RINT1: variants seen among roughly 807,000 people sequenced by gnomAD.
The protein encoded by RINT1 is RAD50-interacting protein 1.
Under a neutral mutation model 97.7 loss-of-function variants are expected in RINT1, and 75 were observed. That is an observed-to-expected ratio of 0.77 (90% confidence interval 0.64 to 0.93). RINT1 has a LOEUF of 0.93. RINT1 is among the 40% of genes least tolerant of loss of function. RINT1 has a pLI of 0.00. For synonymous variants in RINT1, 303 were observed against 326.3 expected (o/e 0.93, Z 0.77); for missense variants, 892 against 925.2 (o/e 0.96, Z 0.47).
Position 105,563,930 on chromosome 7 carries a change from A to G in RINT1, c.1869A>G (p.Lys623=), listed in dbSNP as rs1437091444. The change falls in exon 12 of 15, where the codon AAA becomes AAG. Residue 623 remains lysine, a synonymous_variant. Coordinates refer to ENST00000257700, the MANE Select transcript of RINT1 (RefSeq NM_021930.6). ...HVFREVKDAA[K]LYKKERWLSL... is the part of the protein sequence containing the mutation. ...TTAGAGAAGTTAAAGATGCTGCAAA[A>G]TTGTATAAAAAAGAAAGGTATGTCC... The G allele has an allele frequency of 6.2e-7, 1 of 1,613,862 alleles. No homozygotes were observed. Among genetic ancestry groups the G allele is most frequent in the Admixed American group, 1.7e-5 (1 of 60,014 alleles).
intron 1 of RINT1, among the ~76,000 whole-genome samples, chr7:105,532,564 T>G (rs1048318031): frequency 3.3e-5 from 5 of 152,224 alleles, no homozygotes; most frequent in South Asian, 2.1e-4. Context: ...AGATGACAGA[T>G]TTCTCTAGGG....
At chr7:105,532,794 A>G (rs761037061) in intron 1 of RINT1, 30 bp from the exon 2 acceptor site, 21 of 1,612,950 alleles carry the variant, frequency 1.3e-5, no homozygotes, top group Non-Finnish European at 8.5e-7. Context: ...TTTAATCTTA[A>G]TGTGCTTGTC....
At chr7:105,552,649 C>T (rs1464846013) in intron 10 of RINT1, among the ~76,000 whole-genome samples, 2 of 149,316 alleles carry the variant, frequency 1.3e-5, no homozygotes, top group East Asian at 2.0e-4. Context: ...CATTCCAGCC[C>T]AGTCAGTAAA....
At chr7:105,558,509 G>A (rs962105776) in intron 11 of RINT1, among the ~76,000 whole-genome samples, 2 of 152,088 alleles carry the variant, frequency 1.3e-5, no homozygotes, top group African/African-American at 4.8e-5. Context: ...ATCATCAACT[G>A]CTTTACTTGG....
At chr7:105,550,521 T>C (rs1482056015) in intron 9 of RINT1, 35 bp downstream of exon 9, 14 of 1,417,388 alleles carry the variant, frequency 9.9e-6, no homozygotes, top group Non-Finnish European at 1.4e-5. Flanking sequence ...TAGGGAGATA[T>C]GTCTGTTTCT....
At position 105,532,210 on chromosome 7, in the gene RINT1, A is replaced by C; in HGVS notation, c.-106A>C. ...TCGAGAGGAAGTCGCTGTGGCACTC[A>C]GTCCTACGGCCTCCGAGGCTGGGTA... On this transcript the variant is annotated 5_prime_UTR_variant, in exon 1 of 15. Transcript: ENST00000257700. The C allele has an allele frequency of 8.0e-7, 1 of 1,256,932 alleles. No homozygotes were observed. Among genetic ancestry groups the C allele is most frequent in the South Asian group, 1.4e-5 (1 of 72,386 alleles). 77.9% of individuals were successfully genotyped at this position (1,256,932 alleles called of 1,614,324 possible). A position where few individuals can be genotyped will look rare whatever the true frequency, so the allele number is the denominator to read the frequency against.
Position 105,548,472 on chromosome 7 carries a change from A to G in RINT1, c.840-82A>G, listed in dbSNP as rs546216276. 3.2e-5 allele frequency: 43 copies of G among 1,354,542 alleles called. No homozygotes were observed. In the East Asian group the frequency reaches 8.7e-4, roughly 27 times the overall value. 83.9% of individuals were successfully genotyped at this position (1,354,542 alleles called of 1,614,324 possible). ...AGTATCTGATACATTTGTTGGAAAA[A>G]TTTATTGTGTGTGTATACATACATA... On this transcript the variant is annotated intron_variant, in intron 6 of 14. Coordinates refer to ENST00000257700, the MANE Select transcript of RINT1 (RefSeq NM_021930.6).
In RINT1 at chr7:105,547,051, C is replaced by A. The variant is rs1172006463; in HGVS notation, c.657C>A (p.Phe219Leu). The A allele has an allele frequency of 6.2e-7, 1 of 1,613,680 alleles. No homozygotes were observed. Among genetic ancestry groups the A allele is most frequent in the East Asian group, 2.2e-5 (1 of 44,876 alleles). The change falls in exon 5 of 15, where the codon TTC becomes TTA. Residue 219 changes from phenylalanine to leucine, a missense_variant. Physicochemically the swap from Phe to Leu is conservative, Grantham distance 22 (BLOSUM62 0). Coordinates refer to ENST00000257700, the MANE Select transcript of RINT1 (RefSeq NM_021930.6). ...GTTTCATGAGAGCCACAGTTAAATT[C>A]TGGCATAAAATTCTCAAGGACAAGC... ...LLGFMRATVK[F>L]WHKILKDKLT...
At chr7:105,559,785 T>C (rs1314769989) in intron 11 of RINT1, among the ~76,000 whole-genome samples, 2 of 152,222 alleles carry the variant, frequency 1.3e-5, no homozygotes, top group African/African-American at 4.8e-5. Context: ...TCTTTAATCA[T>C]ATTCACAGTC....
rs1025431730 is a variant in RINT1, at chr7:105,555,193, T to C, written c.1637T>C (p.Ile546Thr). Residue 546 changes from isoleucine (I) to threonine (T), a missense_variant, in exon 11 of 15, where the codon ATC (isoleucine) becomes ACC (threonine). Coordinates refer to ENST00000257700, the MANE Select transcript of RINT1 (RefSeq NM_021930.6). The stretch of plus-strand genomic sequence containing the variant: ...GCAATTCTTAATGCTGTGAACTACA[T>C]CTCAACAGTACTAGCAGATTGGGCT... ...YCAILNAVNYISTVLADWADN... is the reference protein window; with the variant it reads ...YCAILNAVNYTSTVLADWADN... The C allele has an allele frequency of 1.2e-6, 2 of 1,614,060 alleles. No individual in the cohort carries two copies. The highest frequency in any genetic ancestry group is 2.7e-5 in the African/African-American group (2 of 75,054).
chr7:105,536,530 A>T, intron 2 of RINT1, 35 bp from the exon 3 acceptor site: 1 of 1,400,644 alleles, frequency 7.1e-7, no homozygotes, highest in Non-Finnish European at 9.8e-7. Context: ...CATAGTACTT[A>T]GTGGCGTTGA....
rs749732262 is a variant in RINT1 at position 105,567,153 on chromosome 7, G to A, written c.2221G>A (p.Val741Ile). Residue 741 changes from valine to isoleucine, a missense_variant, in exon 15 of 15, where the codon GTC becomes ATC. Transcript: ENST00000257700. ...AGCCTGTATTGTTTTGAATTTGAAC[G>A]TCGGTTCTGCACTACTGCTGAAAGA... The part of the protein sequence containing the change: ...KEACIVLNLN[V>I]GSALLLKDVL... The A allele has an allele frequency of 3.3e-5, 53 of 1,584,622 alleles. No individual in the cohort carries two copies. Among genetic ancestry groups the A allele is most frequent in the Middle Eastern group, 1.7e-4 (1 of 5,962 alleles).
At chr7:105,537,911 A>G (rs1211648985) in intron 3 of RINT1, among the ~76,000 whole-genome samples, 1 of 152,118 alleles carries the variant, frequency 6.6e-6, no homozygotes. Context: ...ATAATTTTTT[A>G]AAAACCCAAT....
Position 105,533,642 on chromosome 7 carries a change from T to C in RINT1, c.88+773T>C, listed in dbSNP as rs188405513. Among the ~76,000 whole-genome samples, 349 of 152,326 alleles carry C rather than the reference T, an allele frequency of 2.3e-3. 2 individuals carry two copies. Among genetic ancestry groups the C allele is most frequent in the Non-Finnish European group, 3.8e-3 (260 of 68,040 alleles). On this transcript the variant is annotated intron_variant, in intron 2 of 14. Coordinates refer to ENST00000257700, the MANE Select transcript of RINT1 (RefSeq NM_021930.6). Reference sequence around the variant, plus strand: ...GCACATGGCCCTTAGGAGTAAGATTTGCCCTTAACATTAGCGGCTGATAGA... The same window carrying C: ...GCACATGGCCCTTAGGAGTAAGATTCGCCCTTAACATTAGCGGCTGATAGA...
chr7:105,560,610 C>G (rs548028508), intron 11 of RINT1, among the ~76,000 whole-genome samples: 1 of 152,116 alleles, frequency 6.6e-6, no homozygotes, highest in African/African-American at 2.4e-5. Context: ...TGGGAGAATT[C>G]TCAATGGCTT....
chr7:105,565,444 A>G lies in RINT1; in HGVS notation c.2054A>G (p.Tyr685Cys), dbSNP rs1344560234. Residue 685 changes from tyrosine (Y) to cysteine (C), a missense_variant, in exon 13 of 15, where the codon TAC becomes TGC. Transcript: ENST00000257700. ...WQMLVEKLDV[Y>C]IYQEIILANH... is the part of the protein sequence containing the mutation. ...ATGCTTGTAGAGAAGCTGGATGTATACATCTACCAAGAAGTAAGTAAGAAT... is the reference window on the plus strand; with the variant it reads ...ATGCTTGTAGAGAAGCTGGATGTATGCATCTACCAAGAAGTAAGTAAGAAT... 1 of 1,614,086 alleles carries G rather than the reference A, an allele frequency of 6.2e-7. No individual in the cohort carries two copies.
intron 10 of RINT1, 80 bp downstream of exon 10, chr7:105,551,787 T>TGG (rs1790939068): frequency 1.7e-6 from 2 of 1,183,514 alleles, no homozygotes; most frequent in South Asian, 3.2e-5. Flanking sequence ...CTCAGTAGGC[T>TGG]GGGTGCAGTG....
intron 2 of RINT1, among the ~76,000 whole-genome samples, chr7:105,534,624 T>C (rs1389139609): frequency 2.6e-5 from 4 of 151,452 alleles, no homozygotes; most frequent in Non-Finnish European, 5.9e-5. Flanking sequence ...CCTTGAGATA[T>C]AGGCTGGGGC....
chr7:105,566,670 T>G (rs1791763249), intron 14 of RINT1: 1 of 152,134 alleles, frequency 6.6e-6, no homozygotes, highest in Admixed American at 6.6e-5. Context: ...AAATTATGTT[T>G]GGGTTTTGTG....
Sources: gnomAD v4.1 joint callset for allele counts (sites outside exome capture counted in the v4.1 genomes callset) on GRCh38, gnomAD v4.1.1 for gene constraint, MANE v1.5 for transcripts, NCBI Gene and HGNC (gene_info 2026-07-23, HGNC 2026-07-21) for gene names.